Variants in RNF216 observed in about 807,000 individuals in gnomAD.
RNF216 encodes E3 ubiquitin-protein ligase RNF216.
Under a neutral mutation model 110.8 loss-of-function variants are expected in RNF216, and 72 were observed. The ratio of observed to expected loss-of-function variants is 0.65; its 90% CI spans 0.54 to 0.79. The LOEUF is 0.79. RNF216 is among the 30% of genes least tolerant of loss of function. RNF216 has a pLI of 0.00. For synonymous variants in RNF216, 495 were observed against 407.5 expected (o/e 1.21, Z -2.59); for missense variants, 1,342 against 1,141.2 (o/e 1.18, Z -2.54).
chr7:5,659,051 A>G (rs1010504083), intron 13 of RNF216, among the ~76,000 whole-genome samples: 1 of 152,170 alleles, frequency 6.6e-6, no homozygotes, highest in East Asian at 1.9e-4. Flanking sequence ...AGAAGCCTAG[A>G]AAGACTTCTA....
rs955381236 is a variant in RNF216, at chr7:5,696,441, G to C, written c.2061+15320C>G. 6.6e-6 allele frequency among the ~76,000 whole-genome samples: 1 copy of C among 152,276 alleles called. No homozygotes were observed. The highest frequency in any genetic ancestry group is 2.4e-5 in the African/African-American group (1 of 41,534). ...TTCCTCCTTATGTAAAGCACCTGAG[G>C]ACTAAAACAAATTCACTGGCCGGTG... On this transcript the variant is annotated intron_variant, in intron 13 of 16. Transcript: ENST00000389902. The surrounding 1 kb of genome is among the most constrained non-coding windows in gnomAD (Gnocchi z 5.4).
intron 16 of RNF216, 71 bp from the exon 17 acceptor site, chr7:5,623,250 G>C (rs1452156085): frequency 1.4e-6 from 2 of 1,425,730 alleles, no homozygotes; most frequent in South Asian, 2.8e-5. Flanking sequence ...CTGGGACCAG[G>C]GCAGCGACCT....
chr7:5,668,322 C>G (rs1156924703), intron 13 of RNF216, among the ~76,000 whole-genome samples: 1 of 151,120 alleles, frequency 6.6e-6, no homozygotes. Flanking sequence ...CTCCCAGGTT[C>G]ACACCATTCT....
intron 14 of RNF216, chr7:5,649,589 G>T (rs1222773559): frequency 1.3e-5 from 2 of 151,954 alleles, no homozygotes; most frequent in Non-Finnish European, 2.9e-5. Flanking sequence ...ATAAGGAAAG[G>T]CAAGTTGAAG....
At chr7:5,745,321 G>A (rs2128657511) in intron 3 of RNF216, among the ~76,000 whole-genome samples, 1 of 152,258 alleles carries the variant, frequency 6.6e-6, no homozygotes, top group Middle Eastern at 3.4e-3. Context: ...CAAAGTAAAT[G>A]ACTAGTTCCT....
intron 7 of RNF216, among the ~76,000 whole-genome samples, chr7:5,725,892 TTTC>T (rs1479387909): frequency 6.7e-6 from 1 of 150,006 alleles, no homozygotes; most frequent in Non-Finnish European, 1.5e-5. Context: ...ATAGGCAGCA[TTTC>T]TTTATTTTCA....
chr7:5,769,737 G>GA (rs1796395284), intron 1 of RNF216, among the ~76,000 whole-genome samples: 1 of 148,494 alleles, frequency 6.7e-6, no homozygotes, highest in African/African-American at 2.5e-5. Context: ...AAGAAAAAAA[G>GA]AAAAAAGACT....
At chr7:5,700,600 A>G (rs1214717567) in intron 13 of RNF216, among the ~76,000 whole-genome samples, 3 of 152,242 alleles carry the variant, frequency 2.0e-5, no homozygotes, top group South Asian at 2.1e-4. Flanking sequence ...AGCAATAGCT[A>G]ACTAGTACAC....
chr7:5,780,728 AG>A (rs1797036708), intron 1 of RNF216, among the ~76,000 whole-genome samples: 1 of 152,040 alleles, frequency 6.6e-6, no homozygotes, highest in Admixed American at 6.5e-5. Flanking sequence ...AAAAAAAAAA[AG>A]TAAAAGAAAA....
At chr7:5,687,478 A>G (rs932404185) in intron 13 of RNF216, among the ~76,000 whole-genome samples, 5 of 152,176 alleles carry the variant, frequency 3.3e-5, no homozygotes, top group Non-Finnish European at 7.3e-5. Context: ...TCAGAAACCA[A>G]AGAGTCCACT....
chr7:5,642,217 G>GTT (rs554389334), intron 14 of RNF216, among the ~76,000 whole-genome samples: 13 of 141,062 alleles, frequency 9.2e-5, no homozygotes, highest in East Asian at 4.2e-4. Context: ...GTTCTGTTTT[G>GTT]TTTTTTTTTT....
intron 15 of RNF216, among the ~76,000 whole-genome samples, chr7:5,638,095 G>A (rs1268901302): frequency 2.0e-5 from 3 of 152,032 alleles, no homozygotes; most frequent in South Asian, 4.2e-4. Context: ...AGACCCAGAC[G>A]TCTGGATGCT....
chr7:5,681,649 A>G (rs780363518), intron 13 of RNF216, among the ~76,000 whole-genome samples: 28 of 152,198 alleles, frequency 1.8e-4, no homozygotes, highest in Admixed American at 5.2e-4. Context: ...GACGAGTCCC[A>G]TTCCTCAACT....
At chr7:5,648,734 A>AAAAAAAAGAAAAG (rs1344657483) in intron 14 of RNF216, among the ~76,000 whole-genome samples, 2 of 151,666 alleles carry the variant, frequency 1.3e-5, no homozygotes, top group African/African-American at 4.8e-5. Flanking sequence ...TCTCAAAAAA[A>AAAAAAAAGAAAAG]AAAAAAAGAA....
chr7:5,758,064 G>C (rs1040996716), intron 2 of RNF216, among the ~76,000 whole-genome samples: 1 of 152,172 alleles, frequency 6.6e-6, no homozygotes, highest in East Asian at 1.9e-4. Flanking sequence ...TTCTCATGAT[G>C]GGTGCAGAGT....
At chr7:5,781,123 G>A (rs555040977) in intron 1 of RNF216, among the ~76,000 whole-genome samples, 2 of 152,318 alleles carry the variant, frequency 1.3e-5, no homozygotes, top group South Asian at 2.1e-4. Flanking sequence ...CTGGGCTGGG[G>A]TTCACAGGCA....
At chr7:5,698,429 A>T (rs1045941119) in intron 13 of RNF216, among the ~76,000 whole-genome samples, 1 of 151,928 alleles carries the variant, frequency 6.6e-6, no homozygotes, top group African/African-American at 2.4e-5. Flanking sequence ...ACACACACGC[A>T]TGCATGCTGG....
At chr7:5,743,858 C>G (rs924335513) in intron 3 of RNF216, among the ~76,000 whole-genome samples, 2 of 152,140 alleles carry the variant, frequency 1.3e-5, no homozygotes, top group African/African-American at 4.8e-5. Context: ...TGAATCGCAG[C>G]GTGGAGAGTT....
chr7:5,779,692 G>A lies in RNF216; in HGVS notation c.-70+1849C>T, dbSNP rs949747246. Among the ~76,000 whole-genome samples, 3 of 151,250 alleles carry A rather than the reference G, an allele frequency of 2.0e-5. No individual in the cohort carries two copies. The East Asian group carries it at 5.8e-4, about 29-fold the overall frequency. On this transcript the variant is annotated intron_variant, in intron 1 of 16. Coordinates refer to ENST00000389902, the MANE Select transcript of RNF216 (RefSeq NM_207111.4). ...AAAAAAAAAAAAGTTAGCCGAGCGT[G>A]GTGGTGCGCGCCTGTAATTCCAGCT...
Sources: gnomAD v4.1 joint callset for allele counts (sites outside exome capture counted in the v4.1 genomes callset) on GRCh38, gnomAD v4.1.1 for gene constraint, Gnocchi (gnomAD v3.1) non-coding constraint, MANE v1.5 for transcripts, NCBI Gene and HGNC (gene_info 2026-07-23, HGNC 2026-07-21) for gene names.